URI1: variants seen among roughly 807,000 people sequenced by gnomAD.
The protein encoded by URI1 is unconventional prefoldin RPB5 interactor 1.
Under a neutral mutation model 60.2 loss-of-function variants are expected in URI1, and 39 were observed. The observed-to-expected ratio is 0.65, with a 90% CI of 0.50 to 0.85. URI1 has a LOEUF of 0.85. Ranked by LOEUF, URI1 falls within the 40% of genes least tolerant of loss-of-function variation. The probability of loss-of-function intolerance (pLI) is 0.00; values close to 1 mark genes in which losing one functional copy is unlikely to be tolerated. For synonymous variants in URI1, 251 were observed against 236.8 expected (o/e 1.06, Z -0.55); for missense variants, 691 against 665.9 (o/e 1.04, Z -0.42).
At chr19:29,956,973 T>C in intron 1 of URI1, 1 of 874,742 alleles carries the variant, frequency 1.1e-6, no homozygotes, top group Non-Finnish European at 1.9e-6. Context: ...GTCTGATTGC[T>C]GAGAATGGTC....
At chr19:29,936,234 GA>G (rs1171189228) in intron 1 of URI1, among the ~76,000 whole-genome samples, 7 of 152,258 alleles carry the variant, frequency 4.6e-5, no homozygotes, top group East Asian at 1.9e-4. Flanking sequence ...CTCCCAAGTA[GA>G]TAGGATTACA....
chr19:30,007,103 T>A (rs889641146), intron 6 of URI1, among the ~76,000 whole-genome samples: 12 of 152,094 alleles, frequency 7.9e-5, no homozygotes, highest in African/African-American at 2.7e-4. Context: ...CATTTCGCCT[T>A]ATAACCAGGG....
intron 4 of URI1, among the ~76,000 whole-genome samples, chr19:29,989,639 T>C (rs1170417385): frequency 1.3e-5 from 2 of 152,170 alleles, no homozygotes; most frequent in Non-Finnish European, 2.9e-5. Flanking sequence ...GTCAGGCTGG[T>C]CTTGAACTCC....
upstream of URI1, among the ~76,000 whole-genome samples, chr19:29,939,629 G>A (rs1182300681): frequency 6.6e-6 from 1 of 152,218 alleles, no homozygotes; most frequent in African/African-American, 2.4e-5. Context: ...AAAAAGTGAG[G>A]TGAGGGCAGA....
At chr19:29,968,565 C>CTTT (rs35475321) in intron 1 of URI1, among the ~76,000 whole-genome samples, 34 of 74,364 alleles carry the variant, frequency 4.6e-4, no homozygotes, top group East Asian at 8.4e-4. Flanking sequence ...CTAATTTTTT[C>CTTT]TTTTTTTTTT....
chr19:30,006,353 A>G (rs1482908489), intron 6 of URI1, among the ~76,000 whole-genome samples: 3 of 152,136 alleles, frequency 2.0e-5, no homozygotes, highest in Non-Finnish European at 4.4e-5. Flanking sequence ...CAGTGTCTTA[A>G]ACAAATGTAC....
At chr19:29,947,710 T>G (rs991624854) in intron 1 of URI1, among the ~76,000 whole-genome samples, 3 of 152,238 alleles carry the variant, frequency 2.0e-5, no homozygotes, top group Admixed American at 6.5e-5. Flanking sequence ...CCTTTCCAAT[T>G]ATATATTGTA....
chr19:29,980,142 T>A (rs903118986), intron 2 of URI1: 5 of 152,194 alleles, frequency 3.3e-5, no homozygotes, highest in Non-Finnish European at 7.3e-5. Context: ...AATATTCCTC[T>A]ATTTTCTTGA....
chr19:30,011,320 G>GT (rs1483815720), intron 9 of URI1, 84 bp downstream of exon 9: 4 of 1,484,852 alleles, frequency 2.7e-6, no homozygotes, highest in Non-Finnish European at 3.6e-6. Flanking sequence ...AAAGTTGACT[G>GT]TAACACAGAA....
chr19:29,986,870 A>G (rs540318675), intron 4 of URI1, among the ~76,000 whole-genome samples: 102 of 152,124 alleles, frequency 6.7e-4, no homozygotes, highest in Middle Eastern at 3.4e-3. Flanking sequence ...TTTGGTTTGG[A>G]AAAAAAACCA....
chr19:29,933,324 T>A (rs1449842733), intron 1 of URI1, among the ~76,000 whole-genome samples: 2 of 152,248 alleles, frequency 1.3e-5, no homozygotes, highest in East Asian at 3.8e-4. Flanking sequence ...ATTTTCTATT[T>A]CTTCTTGAGT....
At chr19:30,004,745 G>A (rs2055918937) in intron 4 of URI1, among the ~76,000 whole-genome samples, 1 of 151,998 alleles carries the variant, frequency 6.6e-6, no homozygotes, top group Non-Finnish European at 1.5e-5. Context: ...TGTTGCATTT[G>A]TCCAGTATTG....
At chr19:29,964,099 G>C (rs759588911) in intron 1 of URI1, among the ~76,000 whole-genome samples, 2 of 152,058 alleles carry the variant, frequency 1.3e-5, no homozygotes, top group Non-Finnish European at 2.9e-5. Context: ...AGCCATGGCT[G>C]TCTCCTCAGG....
At chr19:29,951,837 C>T (rs543822318) in intron 1 of URI1, among the ~76,000 whole-genome samples, 85 of 152,328 alleles carry the variant, frequency 5.6e-4, no homozygotes, top group Non-Finnish European at 9.7e-4. Context: ...CGTGAGCCAC[C>T]GTGCCTGGCT....
intron 1 of URI1, among the ~76,000 whole-genome samples, chr19:29,924,011 G>C (rs2054844360): frequency 6.6e-6 from 1 of 152,160 alleles, no homozygotes; most frequent in African/African-American, 2.4e-5. Context: ...GTTTGAGCCT[G>C]AAGTTCTGAG....
At chr19:29,959,043 A>T (rs556815750) in intron 1 of URI1, among the ~76,000 whole-genome samples, 1 of 152,326 alleles carries the variant, frequency 6.6e-6, no homozygotes, top group African/African-American at 2.4e-5. Flanking sequence ...TGGCTTCAGA[A>T]TTAGGCTGGT....
chr19:29,971,704 AG>A (rs200091245), intron 2 of URI1, among the ~76,000 whole-genome samples: 2,416 of 149,114 alleles, frequency 0.016, 70 homozygotes, highest in African/African-American at 0.057. Flanking sequence ...TTTTTTTTTA[AG>A]AGAGAGCATA....
chr19:30,015,482 A>AT lies in URI1; in HGVS notation c.*415dup. ...AATTTCAAATAGATTCAACAATTAC[A>AT]TTACTTGCTTTCACATTTTAAAGGC... On this transcript the variant is annotated 3_prime_UTR_variant, in exon 11 of 11. Transcript: ENST00000392271. 6.6e-7 allele frequency: 1 copy of AT among 1,525,496 alleles called. No homozygotes were observed. The highest frequency in any genetic ancestry group is 8.7e-7 in the Non-Finnish European group (1 of 1,143,816). 94.5% of individuals were successfully genotyped at this position (1,525,496 alleles called of 1,614,324 possible).
At chr19:29,958,689 G>A (rs115099028) in intron 1 of URI1, among the ~76,000 whole-genome samples, 1 of 151,472 alleles carries the variant, frequency 6.6e-6, no homozygotes, top group East Asian at 1.9e-4. Context: ...CCAGGGTGCT[G>A]CGGCTCACAC....
Sources: gnomAD v4.1 joint callset for allele counts (sites outside exome capture counted in the v4.1 genomes callset) on GRCh38, gnomAD v4.1.1 for gene constraint, MANE v1.5 for transcripts, NCBI Gene and HGNC (gene_info 2026-07-23, HGNC 2026-07-21) for gene names.